Variants in SLC7A2 observed in about 807,000 individuals in gnomAD.
SLC7A2 encodes solute carrier family 7 member 2.
Under a neutral mutation model 58.9 loss-of-function variants are expected in SLC7A2, and 48 were observed. That is an observed-to-expected ratio of 0.82 (90% CI 0.65 to 1.04). The LOEUF (loss-of-function observed/expected upper bound fraction) is 1.04, where lower values mean the gene tolerates loss of function less well. Ranked by LOEUF, SLC7A2 falls within the 50% of genes least tolerant of loss-of-function variation. The pLI is 0.00. For missense variants in SLC7A2, 1,029 were observed against 818.8 expected (o/e 1.26, Z -3.13); for synonymous variants, 363 against 314.5 (o/e 1.15, Z -1.63).
chr8:17,528,268 T>C (rs1446398212), intron 2 of SLC7A2, among the ~76,000 whole-genome samples: 1 of 152,158 alleles, frequency 6.6e-6, no homozygotes, highest in African/African-American at 2.4e-5. Context: ...AATGGAGGAC[T>C]ATTATAAGCT....
intron 2 of SLC7A2, among the ~76,000 whole-genome samples, chr8:17,503,616 G>A (rs531121288): frequency 1.8e-4 from 27 of 150,754 alleles, no homozygotes; most frequent in Non-Finnish European, 3.7e-4. Context: ...CATACGCGGC[G>A]CTCATAGTTC....
intron 2 of SLC7A2, among the ~76,000 whole-genome samples, chr8:17,514,168 C>G (rs1183584427): frequency 6.6e-6 from 1 of 151,964 alleles, no homozygotes; most frequent in Non-Finnish European, 1.5e-5. Context: ...ATCCCAATTC[C>G]CTGGATCCAG....
rs1453347420 is a variant in SLC7A2, at chr8:17,562,064, T to G, written c.1625T>G (p.Leu542Arg). Residue 542 changes from leucine (L) to arginine (R), a missense_variant, in exon 11 of 13, where the codon CTC becomes CGC. Coordinates refer to ENST00000494857, the MANE Select transcript of SLC7A2 (RefSeq NM_001370338.1). ...CTTGTTCTCTTCGTTGCCATCGTTC[T>G]CACCATCTGGAGGCAGCCCCAGAAT... ...LFLVLFVAIV[L>R]TIWRQPQNQQ... 1 of 1,613,926 alleles carries G rather than the reference T, an allele frequency of 6.2e-7. No homozygotes were observed. The highest frequency in any genetic ancestry group is 2.2e-5 in the East Asian group (1 of 44,892).
At chr8:17,532,368 A>T (rs1801497431) in intron 2 of SLC7A2, among the ~76,000 whole-genome samples, 1 of 151,074 alleles carries the variant, frequency 6.6e-6, no homozygotes, top group African/African-American at 2.4e-5. Flanking sequence ...GTGAGCATGG[A>T]GTCCCCTCCT....
At chr8:17,544,965 A>G (rs1434758291) in intron 4 of SLC7A2, among the ~76,000 whole-genome samples, 1 of 152,212 alleles carries the variant, frequency 6.6e-6, no homozygotes, top group African/African-American at 2.4e-5. Flanking sequence ...GCTAGATACA[A>G]CTAGGGATAT....
chr8:17,509,412 T>C (rs1800506053), intron 2 of SLC7A2, among the ~76,000 whole-genome samples: 1 of 152,100 alleles, frequency 6.6e-6, no homozygotes, highest in Non-Finnish European at 1.5e-5. Context: ...TTCAAGAGAT[T>C]CTTCTGCCTC....
At chr8:17,547,395 T>C (rs1585246030) in intron 4 of SLC7A2, among the ~76,000 whole-genome samples, 1 of 152,122 alleles carries the variant, frequency 6.6e-6, no homozygotes, top group Non-Finnish European at 1.5e-5. Context: ...CCTCCCATGA[T>C]ACATGGGGAT....
chr8:17,526,865 T>C (rs1375175455), intron 2 of SLC7A2, among the ~76,000 whole-genome samples: 1 of 152,208 alleles, frequency 6.6e-6, no homozygotes, highest in Non-Finnish European at 1.5e-5. Flanking sequence ...TTGGAAAGTT[T>C]CAACATAATG....
At chr8:17,539,958 A>C (rs975733061) in intron 2 of SLC7A2, among the ~76,000 whole-genome samples, 11 of 152,316 alleles carry the variant, frequency 7.2e-5, no homozygotes, top group African/African-American at 2.2e-4. Flanking sequence ...AAAATGTTAA[A>C]GTTATAAAAA....
chr8:17,513,104 G>C (rs1490685409), intron 2 of SLC7A2, among the ~76,000 whole-genome samples: 1 of 152,182 alleles, frequency 6.6e-6, no homozygotes, highest in Non-Finnish European at 1.5e-5. Flanking sequence ...CATGAACGAT[G>C]CTGCTGTGAA....
intron 2 of SLC7A2, among the ~76,000 whole-genome samples, chr8:17,533,864 G>A (rs543579005): frequency 6.6e-6 from 1 of 152,282 alleles, no homozygotes; most frequent in Non-Finnish European, 1.5e-5. Context: ...CCATCACCTA[G>A]GTATTAAGCC....
chr8:17,505,973 A>G (rs1319046153), intron 2 of SLC7A2, among the ~76,000 whole-genome samples: 3 of 152,210 alleles, frequency 2.0e-5, no homozygotes, highest in Non-Finnish European at 2.9e-5. Flanking sequence ...TAATATTGAG[A>G]CGAAGTGAGG....
intron 2 of SLC7A2, among the ~76,000 whole-genome samples, chr8:17,506,811 C>T (rs62497984): frequency 0.12 from 18,066 of 148,758 alleles, 1,380 homozygotes; most frequent in African/African-American, 0.21. Context: ...AGTGCAGTGG[C>T]GCAATCTCGG....
At chr8:17,537,081 G>A (rs1042143011) in intron 2 of SLC7A2, among the ~76,000 whole-genome samples, 1 of 152,156 alleles carries the variant, frequency 6.6e-6, no homozygotes, top group Non-Finnish European at 1.5e-5. Context: ...TTTTCAGATG[G>A]AGTCTCGCTC....
chr8:17,522,437 A>G lies in SLC7A2; in HGVS notation c.-23+20135A>G, dbSNP rs1324972120. 2.6e-5 allele frequency among the ~76,000 whole-genome samples: 4 copies of G among 152,168 alleles called. No homozygotes were observed. In the East Asian group the frequency reaches 7.7e-4, roughly 29 times the overall value. On this transcript the variant is annotated intron_variant, in intron 2 of 12. Coordinates refer to ENST00000494857, the MANE Select transcript of SLC7A2 (RefSeq NM_001370338.1). ...CAACTTGGCCATGCTGACTACAAGA[A>G]GCAGGACTGAACCTGCATCCGGGGC...
chr8:17,499,480 C>T (rs2150634051), intron 1 of SLC7A2, among the ~76,000 whole-genome samples: 1 of 151,208 alleles, frequency 6.6e-6, no homozygotes, highest in Non-Finnish European at 1.5e-5. Flanking sequence ...CTTTGGTGGA[C>T]AACTTTCAGA....
intron 1 of SLC7A2, among the ~76,000 whole-genome samples, chr8:17,497,677 G>C (rs1477134711): frequency 6.6e-6 from 1 of 152,208 alleles, no homozygotes; most frequent in Non-Finnish European, 1.5e-5. Flanking sequence ...ACGCTGCCGG[G>C]GTCCCCGAAG....
chr8:17,553,676 A>T (rs1802554614), intron 7 of SLC7A2, among the ~76,000 whole-genome samples: 1 of 152,094 alleles, frequency 6.6e-6, no homozygotes, highest in Non-Finnish European at 1.5e-5. Context: ...TACTTGAAAG[A>T]CTGAGGTGGG....
intron 1 of SLC7A2, among the ~76,000 whole-genome samples, chr8:17,497,531 G>A (rs1800002003): frequency 6.6e-6 from 1 of 152,204 alleles, no homozygotes; most frequent in South Asian, 2.1e-4. Context: ...AGCCGGCTCT[G>A]CCCGGGGACT....
Sources: allele counts gnomAD v4.1 joint callset (sites outside exome capture counted in the v4.1 genomes callset), GRCh38; gene constraint gnomAD v4.1.1; transcripts MANE v1.5; gene names NCBI Gene and HGNC (gene_info 2026-07-23, HGNC 2026-07-21).